SUPV3L1: variants seen among roughly 807,000 people sequenced by gnomAD.
The protein encoded by SUPV3L1 is Suv3 like RNA helicase, also known as ATP-dependent RNA helicase SUPV3L1, mitochondrial.
A neutral mutation model predicts 70.0 loss-of-function variants in SUPV3L1; 35 were observed. The ratio of observed to expected loss-of-function variants is 0.50; its 90% CI spans 0.38 to 0.66. The LOEUF (loss-of-function observed/expected upper bound fraction) is 0.66, where lower values mean the gene tolerates loss of function less well. Ranked by LOEUF, SUPV3L1 falls within the 30% of genes least tolerant of loss-of-function variation. The pLI is 0.00. For synonymous variants in SUPV3L1, 364 were observed against 341.9 expected (o/e 1.06, Z -0.71); for missense variants, 777 against 961.5 (o/e 0.81, Z 2.54).
chr10:69,187,180 GC>G (rs1842253169), intron 3 of SUPV3L1, among the ~76,000 whole-genome samples: 1 of 152,092 alleles, frequency 6.6e-6, no homozygotes, highest in African/African-American at 2.4e-5. Context: ...TTTTGCCAAT[GC>G]TAATCTTTGC....
rs73278661 is a variant in SUPV3L1 at position 69,207,951 on chromosome 10, T to G, written c.1925+10T>G. Reference sequence around the variant, plus strand: ...TTTACTTGTGGCTAAGGTACCAACATTTTTCCTTTATGTGCTCTCATTTTT... The same window carrying G: ...TTTACTTGTGGCTAAGGTACCAACAGTTTTCCTTTATGTGCTCTCATTTTT... On this transcript the variant is annotated intron_variant, in intron 14 of 14. Transcript: ENST00000359655. 12,727 of 1,610,086 alleles carry G rather than the reference T, an allele frequency of 7.9e-3. 867 individuals carry two copies. The African/African-American group carries it at 0.15, about 19-fold the overall frequency.
Position 69,200,307 on chromosome 10 carries a change from C to T in SUPV3L1, c.1326C>T (p.Ser442=), listed in dbSNP as rs775941088. The change falls in exon 11 of 15, where the codon TCC becomes TCT. Residue 442 remains serine (S), a synonymous_variant. Transcript: ENST00000359655. ...GCATAAGGAGAATTATTTTTTACTC[C>T]CTTATAAAGCCCAGTATCAATGAAA... ...NLSIRRIIFY[S]LIKPSINEKG... is the part of the protein sequence containing the mutation. 3.7e-6 allele frequency: 6 copies of T among 1,613,774 alleles called. No individual in the cohort carries two copies. The highest frequency in any genetic ancestry group is 5.1e-6 in the Non-Finnish European group (6 of 1,179,930).
In SUPV3L1 at chr10:69,208,834, T is replaced by C. The variant is rs758299053; in HGVS notation, c.2160T>C (p.Ala720=). 7.4e-6 allele frequency: 12 copies of C among 1,614,146 alleles called. No individual in the cohort carries two copies. Among genetic ancestry groups the C allele is most frequent in the Middle Eastern group, 1.6e-4 (1 of 6,062 alleles). ...GCACCAAAGCTCTAGGGAGTAAAGC[T>C]ACTGAGCCACCCAGCCCCGATGCAG... ...TRGTKALGSK[A]TEPPSPDAGE... Residue 720 remains alanine (A), a synonymous_variant, in exon 15 of 15, where the codon GCT becomes GCC. Transcript: ENST00000359655.
chr10:69,195,503 A>C, intron 7 of SUPV3L1: 2 of 371,178 alleles, frequency 5.4e-6, no homozygotes, highest in East Asian at 4.1e-5. Flanking sequence ...TTCAAATCTC[A>C]TATTTACACA....
At chr10:69,185,501 T>C (rs970739835) in intron 1 of SUPV3L1, among the ~76,000 whole-genome samples, 3 of 111,086 alleles carry the variant, frequency 2.7e-5, no homozygotes, top group African/African-American at 8.3e-5. Context: ...CGATCATTTT[T>C]CTCTTTTTTT....
At chr10:69,208,437 C>G (rs7897299) in intron 14 of SUPV3L1, among the ~76,000 whole-genome samples, 163 bp from the exon 15 acceptor site, 6,296 of 152,212 alleles carry the variant, frequency 0.041, 460 homozygotes, top group African/African-American at 0.14. Flanking sequence ...CATATTCCTC[C>G]GATATGTGGG....
At chr10:69,196,296 AG>A (rs1306907670) in intron 7 of SUPV3L1, among the ~76,000 whole-genome samples, 2 of 152,180 alleles carry the variant, frequency 1.3e-5, no homozygotes, top group East Asian at 1.9e-4. Context: ...ATTCAAGACC[AG>A]CTTGGCCAAC....
Position 69,180,324 on chromosome 10 carries a change from G to C in SUPV3L1, c.33G>C (p.Arg11=). 1 of 1,613,930 alleles carries C rather than the reference G, an allele frequency of 6.2e-7. No homozygotes were observed. Among genetic ancestry groups the C allele is most frequent in the South Asian group, 1.1e-5 (1 of 91,074 alleles). The change falls in exon 1 of 15, where the codon CGG becomes CGC. Residue 11 remains arginine, a synonymous_variant. Coordinates refer to ENST00000359655, the MANE Select transcript of SUPV3L1 (RefSeq NM_003171.5). The part of the protein sequence containing the change: MSFSRALLWA[R]LPAGRQAGHR... ...TCTCCCGTGCCCTATTGTGGGCTCG[G>C]CTCCCGGCGGGGCGCCAGGCTGGCC...
At chr10:69,195,796 G>A (rs1842526771) in intron 7 of SUPV3L1, among the ~76,000 whole-genome samples, 1 of 152,114 alleles carries the variant, frequency 6.6e-6, no homozygotes, top group Admixed American at 6.6e-5. Context: ...AGGTTGGAGT[G>A]TGATGGCGCA....
At chr10:69,196,657 C>T (rs933853595) in intron 7 of SUPV3L1, among the ~76,000 whole-genome samples, 1 of 152,116 alleles carries the variant, frequency 6.6e-6, no homozygotes, top group African/African-American at 2.4e-5. Context: ...CTCAGCGATT[C>T]CATGGAGCCT....
At chr10:69,198,620 T>A in intron 9 of SUPV3L1, 68 bp downstream of exon 9, 2 of 1,472,118 alleles carry the variant, frequency 1.4e-6, no homozygotes, top group Admixed American at 2.1e-5. Flanking sequence ...TTGAGATATA[T>A]ATAAAAAAAT....
At chr10:69,182,076 CCT>C (rs1564697207) in intron 1 of SUPV3L1, among the ~76,000 whole-genome samples, 1 of 151,014 alleles carries the variant, frequency 6.6e-6, no homozygotes, top group Admixed American at 6.6e-5. Context: ...CTCACTGTAA[CCT>C]CCAACTCCCA....
chr10:69,195,121 T>A, intron 6 of SUPV3L1, 67 bp from the exon 7 acceptor site: 1 of 1,253,556 alleles, frequency 8.0e-7, no homozygotes, highest in Non-Finnish European at 1.1e-6. Context: ...TGAATTTTGG[T>A]GTTGGAATTT....
chr10:69,204,337 A>G (rs1564713441), intron 13 of SUPV3L1, among the ~76,000 whole-genome samples: 1 of 152,156 alleles, frequency 6.6e-6, no homozygotes, highest in Non-Finnish European at 1.5e-5. Flanking sequence ...GTCCTGACTC[A>G]CTGAGGTTCA....
At chr10:69,190,603 A>G (rs746852177) in intron 5 of SUPV3L1, among the ~76,000 whole-genome samples, 5 of 152,214 alleles carry the variant, frequency 3.3e-5, no homozygotes, top group Non-Finnish European at 4.4e-5. Flanking sequence ...TCTATATTCA[A>G]ATTTTATCAA....
chr10:69,185,270 A>C (rs1842187720), intron 1 of SUPV3L1, among the ~76,000 whole-genome samples: 1 of 152,186 alleles, frequency 6.6e-6, no homozygotes, highest in African/African-American at 2.4e-5. Context: ...ACTTAACATC[A>C]GCGTGGCTTC....
chr10:69,186,335 A>AG lies in SUPV3L1; in HGVS notation c.350-108_350-107insG, dbSNP rs1264158068. 2.2e-5 allele frequency: 16 copies of AG among 743,856 alleles called. No individual in the cohort carries two copies. The East Asian group carries it at 4.7e-4, about 22-fold the overall frequency. The allele number at this position is 743,856 out of a possible 1,614,324, so 46.1% of individuals were successfully genotyped here. On this transcript the variant is annotated intron_variant, in intron 2 of 14. Coordinates refer to ENST00000359655, the MANE Select transcript of SUPV3L1 (RefSeq NM_003171.5). ...AACCAGCTGTACTGCCAAAAAAAAA[A>AG]AAAAAAAAAGAAAAAAAAAGACTCT... is the stretch of plus-strand genomic sequence containing the variant.
chr10:69,208,506 A>G, intron 14 of SUPV3L1, 94 bp from the exon 15 acceptor site: 1 of 1,324,598 alleles, frequency 7.5e-7, no homozygotes. Context: ...AACATTTAGA[A>G]TTTATCAATG....
Position 69,180,290 on chromosome 10 carries a change from C to T in SUPV3L1, c.-2C>T, listed in dbSNP as rs574690754. The stretch of plus-strand genomic sequence containing the variant: ...CCAGACAGTGTAGAACCTGCGGCCT[C>T]GATGTCCTTCTCCCGTGCCCTATTG... On this transcript the variant is annotated 5_prime_UTR_variant, in exon 1 of 15. Coordinates refer to ENST00000359655, the MANE Select transcript of SUPV3L1 (RefSeq NM_003171.5). 3.1e-6 allele frequency: 5 copies of T among 1,612,942 alleles called. No individual in the cohort carries two copies. The highest frequency in any genetic ancestry group is 1.1e-5 in the South Asian group (1 of 91,038).
Sources: allele counts gnomAD v4.1 joint callset (sites outside exome capture counted in the v4.1 genomes callset), GRCh38; gene constraint gnomAD v4.1.1; transcripts MANE v1.5; gene names NCBI Gene and HGNC (gene_info 2026-07-23, HGNC 2026-07-21).